The following GRM7 variants were observed in gnomAD, a reference collection of about 807,000 sequenced individuals.
GRM7 encodes the protein metabotropic glutamate receptor 7.
A neutral mutation model predicts 84.5 loss-of-function variants in GRM7; 35 were observed. The ratio of observed to expected loss-of-function variants is 0.41; its 90% CI spans 0.32 to 0.55. The LOEUF (loss-of-function observed/expected upper bound fraction) is 0.55. Among genes scored for constraint, GRM7 ranks in the 20% least tolerant of loss-of-function variants. The pLI, the probability that GRM7 is intolerant of heterozygous loss-of-function variation, is 0.19. For missense variants in GRM7, 1,003 were observed against 1,194.6 expected (o/e 0.84, Z 2.36); for synonymous variants, 487 against 455.1 (o/e 1.07, Z -0.89).
At chr3:7,438,779 G>A (rs528123817) in intron 5 of GRM7, among the ~76,000 whole-genome samples, 2 of 152,280 alleles carry the variant, frequency 1.3e-5, no homozygotes, top group Admixed American at 6.5e-5. Context: ...GTTCATCAGA[G>A]TAAGTTTCTC....
intron 1 of GRM7, among the ~76,000 whole-genome samples, chr3:7,133,154 C>T (rs1213639748): frequency 6.6e-6 from 1 of 152,142 alleles, no homozygotes; most frequent in Non-Finnish European, 1.5e-5. Context: ...GGCTAGGAAA[C>T]ACAAGGAGCT....
rs539533266 is a variant in GRM7 at position 6,995,470 on chromosome 3, A to G, written c.519+133563A>G. On this transcript the variant is annotated intron_variant, in intron 1 of 9. Coordinates refer to ENST00000357716, the MANE Select transcript of GRM7 (RefSeq NM_000844.4). ...TCTGAGGTGTTGAGGTTGTTACAGCAGTATAACCTAGACTATACTGCCTAA... is the reference window on the plus strand; with the variant it reads ...TCTGAGGTGTTGAGGTTGTTACAGCGGTATAACCTAGACTATACTGCCTAA... 9.3e-4 allele frequency among the ~76,000 whole-genome samples: 141 copies of G among 152,370 alleles called. No individual in the cohort carries two copies. In the Middle Eastern group the frequency reaches 0.02, roughly 22 times the overall value.
At chr3:7,570,918 T>A (rs559520673) in intron 7 of GRM7, among the ~76,000 whole-genome samples, 2 of 152,318 alleles carry the variant, frequency 1.3e-5, no homozygotes, top group Admixed American at 6.5e-5. Context: ...GTTATTGACT[T>A]CTGTGCATGC....
At chr3:7,442,532 G>C (rs1233014874) in intron 5 of GRM7, among the ~76,000 whole-genome samples, 1 of 151,956 alleles carries the variant, frequency 6.6e-6, no homozygotes, top group Non-Finnish European at 1.5e-5. Flanking sequence ...TGATGGTTCT[G>C]AAATGTCCTT....
chr3:7,209,008 G>T (rs1696333592), intron 2 of GRM7, among the ~76,000 whole-genome samples: 1 of 152,158 alleles, frequency 6.6e-6, no homozygotes, highest in South Asian at 2.1e-4. Flanking sequence ...TATCATGAAT[G>T]AAAATGCATA....
chr3:6,925,433 G>C (rs868643853), intron 1 of GRM7, among the ~76,000 whole-genome samples: 3 of 148,540 alleles, frequency 2.0e-5, no homozygotes, highest in Middle Eastern at 3.2e-3. Flanking sequence ...TTATCATTAG[G>C]CCAAAATCGA....
chr3:7,078,591 A>G (rs1405576753), intron 1 of GRM7, among the ~76,000 whole-genome samples: 1 of 152,194 alleles, frequency 6.6e-6, no homozygotes, highest in Non-Finnish European at 1.5e-5. Context: ...ATCTAGGAAG[A>G]TTTTATATTA....
chr3:7,081,997 C>T (rs1187463292), intron 1 of GRM7, among the ~76,000 whole-genome samples: 3 of 152,050 alleles, frequency 2.0e-5, no homozygotes, highest in Non-Finnish European at 2.9e-5. Flanking sequence ...GCATTGCCAT[C>T]ACATAAAAAT....
intron 1 of GRM7, among the ~76,000 whole-genome samples, chr3:6,998,144 G>T (rs1255329037): frequency 5.6e-5 from 1 of 17,704 alleles, no homozygotes; most frequent in African/African-American, 9.2e-5. Flanking sequence ...AAAAAAGCAG[G>T]TTAGTTACCT....
intron 8 of GRM7, among the ~76,000 whole-genome samples, chr3:7,675,925 T>A (rs1428946381): frequency 2.0e-5 from 3 of 152,190 alleles, no homozygotes; most frequent in Non-Finnish European, 4.4e-5. Flanking sequence ...GTACAAACTA[T>A]TATGATTTTG....
chr3:7,276,780 T>C (rs75122544), intron 2 of GRM7, among the ~76,000 whole-genome samples: 1 of 100 alleles, frequency 0.01, no homozygotes. Flanking sequence ...CCTTCCTTCC[T>C]TCCTTCCTTC....
intron 7 of GRM7, among the ~76,000 whole-genome samples, chr3:7,543,207 C>T (rs919254174): frequency 6.6e-6 from 1 of 152,184 alleles, no homozygotes; most frequent in Admixed American, 6.5e-5. Flanking sequence ...CTAAATTTTA[C>T]CACTTACTGT....
intron 2 of GRM7, among the ~76,000 whole-genome samples, chr3:7,147,858 G>T (rs1441459673): frequency 5.9e-5 from 9 of 152,078 alleles, no homozygotes; most frequent in Admixed American, 5.9e-4. Context: ...CTATTTCTGG[G>T]TTAAAATGCA....
At chr3:7,221,885 C>A (rs980771909) in intron 2 of GRM7, among the ~76,000 whole-genome samples, 2 of 147,174 alleles carry the variant, frequency 1.4e-5, no homozygotes, top group Non-Finnish European at 3.0e-5. Flanking sequence ...TGGCTCACTG[C>A]AACCTCTGCC....
At chr3:7,554,526 G>C (rs981305279) in intron 7 of GRM7, among the ~76,000 whole-genome samples, 2 of 152,190 alleles carry the variant, frequency 1.3e-5, no homozygotes, top group Non-Finnish European at 2.9e-5. Context: ...TGCTATGGAG[G>C]AAACCAACAG....
intron 2 of GRM7, among the ~76,000 whole-genome samples, chr3:7,242,266 G>C (rs767176135): frequency 6.6e-6 from 1 of 152,116 alleles, no homozygotes. Flanking sequence ...TTCATAATAC[G>C]GGATTTTTAC....
intron 2 of GRM7, among the ~76,000 whole-genome samples, chr3:7,273,939 C>T (rs1698959367): frequency 6.6e-6 from 1 of 151,790 alleles, no homozygotes; most frequent in African/African-American, 2.4e-5. Context: ...TTTTTTATTC[C>T]TATTTTTATC....
At chr3:7,577,806 CT>C (rs1180947626) in intron 7 of GRM7, among the ~76,000 whole-genome samples, 27 of 152,300 alleles carry the variant, frequency 1.8e-4, no homozygotes, top group African/African-American at 6.3e-4. Flanking sequence ...CACTTCTCCC[CT>C]GTGATAGTAG....
chr3:7,294,723 C>T (rs1017331006), intron 2 of GRM7, among the ~76,000 whole-genome samples: 17 of 152,126 alleles, frequency 1.1e-4, no homozygotes, highest in African/African-American at 4.1e-4. Context: ...CCTAAGCTAG[C>T]AGCATCAGCA....
Sources: allele counts gnomAD v4.1 joint callset (sites outside exome capture counted in the v4.1 genomes callset), GRCh38; gene constraint gnomAD v4.1.1; transcripts MANE v1.5; gene names NCBI Gene and HGNC (gene_info 2026-07-23, HGNC 2026-07-21).